STOX2: variants seen among roughly 807,000 people sequenced by gnomAD.
The protein encoded by STOX2 is storkhead box 2.
In STOX2, 28 loss-of-function variants were observed where a neutral mutation model predicts 60.9. That is an observed-to-expected ratio of 0.46 (90% confidence interval 0.34 to 0.63). STOX2 has a LOEUF of 0.63. STOX2 is among the 30% of genes least tolerant of loss of function. The pLI, the probability that STOX2 is intolerant of heterozygous loss-of-function variation, is 0.01. For synonymous variants in STOX2, 472 were observed against 463.9 expected (o/e 1.02, Z -0.22); for missense variants, 1,024 against 1,187.7 (o/e 0.86, Z 2.03).
chr4:183,893,901 G>T (rs1741284175), intron 1 of STOX2, among the ~76,000 whole-genome samples: 1 of 152,186 alleles, frequency 6.6e-6, no homozygotes, highest in South Asian at 2.1e-4. Context: ...AAACATCCTA[G>T]TTGGCTCTGG....
At chr4:183,828,590 G>T (rs1334923830) in intron 1 of STOX2, among the ~76,000 whole-genome samples, 1 of 152,110 alleles carries the variant, frequency 6.6e-6, no homozygotes, top group African/African-American at 2.4e-5. Context: ...AATGCAGTGG[G>T]GTAAATCCAT....
intron 1 of STOX2, among the ~76,000 whole-genome samples, chr4:183,931,656 T>C (rs6834333): frequency 0.63 from 96,263 of 151,990 alleles, 36,738 homozygotes; most frequent in Non-Finnish European, 0.86. Context: ...GCAAGGTGAA[T>C]GTGAGTCTGT....
rs12509182 is a variant in STOX2, at chr4:183,984,783, C to T, written c.167-16542C>T. On this transcript the variant is annotated intron_variant, in intron 1 of 3. Coordinates refer to ENST00000308497, the MANE Select transcript of STOX2 (RefSeq NM_020225.3). Reference sequence around the variant, plus strand: ...TCATCAACTGAGCAAATCACCTCTGCGGTCCTCTGTGTGATGTTCGTAAAG... The same window carrying T: ...TCATCAACTGAGCAAATCACCTCTGTGGTCCTCTGTGTGATGTTCGTAAAG... Among the ~76,000 whole-genome samples, 465 of 152,294 alleles carry T rather than the reference C, an allele frequency of 3.1e-3. 13 individuals are homozygous for T. The highest frequency in any genetic ancestry group is 0.027 in the Admixed American group (414 of 15,302).
At chr4:183,984,299 G>A (rs1732763446) in intron 1 of STOX2, among the ~76,000 whole-genome samples, 1 of 152,184 alleles carries the variant, frequency 6.6e-6, no homozygotes, top group Admixed American at 6.5e-5. Flanking sequence ...ATTGCTGACT[G>A]TTTCGACCCC....
At chr4:183,939,003 C>A (rs4862270) in intron 1 of STOX2, among the ~76,000 whole-genome samples, 1 of 152,106 alleles carries the variant, frequency 6.6e-6, no homozygotes. Flanking sequence ...AAAATCTATC[C>A]AAAGAGTCAG....
chr4:183,813,233 A>G (rs956897544), intron 1 of STOX2, among the ~76,000 whole-genome samples: 1 of 152,078 alleles, frequency 6.6e-6, no homozygotes, highest in African/African-American at 2.4e-5. Flanking sequence ...AAATACAAAA[A>G]TTAGCCGGGC....
At chr4:183,883,606 G>A (rs1360888583) in intron 1 of STOX2, among the ~76,000 whole-genome samples, 3 of 152,144 alleles carry the variant, frequency 2.0e-5, no homozygotes, top group Admixed American at 6.5e-5. Context: ...GTGAGCCACC[G>A]CGCCTGGCCG....
intron 1 of STOX2, among the ~76,000 whole-genome samples, chr4:183,857,231 C>A (rs1300002297): frequency 1.3e-5 from 2 of 151,588 alleles, no homozygotes; most frequent in East Asian, 3.9e-4. Flanking sequence ...CTGGTTATCC[C>A]ACAGGACTGG....
chr4:183,860,250 T>C (rs1281661412), intron 1 of STOX2, among the ~76,000 whole-genome samples: 1 of 151,844 alleles, frequency 6.6e-6, no homozygotes, highest in Non-Finnish European at 1.5e-5. Context: ...TCTCACTGGG[T>C]CCAGCCTCAT....
chr4:183,952,064 G>A (rs1442768009), intron 1 of STOX2, among the ~76,000 whole-genome samples: 8 of 152,254 alleles, frequency 5.3e-5, no homozygotes, highest in Admixed American at 1.3e-4. Flanking sequence ...AAACAACACC[G>A]GACTTCCACA....
At chr4:183,871,932 T>C (rs1740702387) in intron 1 of STOX2, among the ~76,000 whole-genome samples, 1 of 152,150 alleles carries the variant, frequency 6.6e-6, no homozygotes, top group African/African-American at 2.4e-5. Context: ...TAATTTCTTT[T>C]GTAAGGATGA....
chr4:183,892,438 C>T (rs1301558558), intron 1 of STOX2, among the ~76,000 whole-genome samples: 3 of 151,964 alleles, frequency 2.0e-5, no homozygotes, highest in Non-Finnish European at 4.4e-5. Context: ...GCCACCACGC[C>T]CGGCTAATTT....
chr4:183,806,318 G>T lies in STOX2; in HGVS notation c.364+8263G>T, dbSNP rs980268359. Among the ~76,000 whole-genome samples the T allele has an allele frequency of 6.6e-5, 10 of 152,196 alleles. No individual in the cohort carries two copies. The highest frequency in any genetic ancestry group is 2.4e-4 in the African/African-American group (10 of 41,442). The stretch of plus-strand genomic sequence containing the variant: ...CTCCCCAATAACGTACGTTTGGGAA[G>T]CACATGATGTCCCTTAGTCTAGCTC... On this transcript the variant is annotated intron_variant, in intron 1 of 2. Transcript: ENST00000513034. This position sits in a 1 kb window ranked among gnomAD's most constrained non-coding sequence, Gnocchi z 4.1.
rs1311049910 is a variant in STOX2, at chr4:183,836,388, C to T, written c.364+38333C>T. Among the ~76,000 whole-genome samples the T allele has an allele frequency of 2.0e-5, 3 of 152,294 alleles. No individual in the cohort carries two copies. Among genetic ancestry groups the T allele is most frequent in the Non-Finnish European group, 1.5e-5 (1 of 68,030 alleles). On this transcript the variant is annotated intron_variant, in intron 1 of 2. Transcript: ENST00000513034. This position sits in a 1 kb window ranked among gnomAD's most constrained non-coding sequence, Gnocchi z 4.1. ...AAAATAAACATAAGGAGTGTCACTA[C>T]GTTAGCAGCATAGGCTGTTTTATGC...
At chr4:183,808,330 GTCAC>G (rs1339634522) in intron 1 of STOX2, among the ~76,000 whole-genome samples, 13 of 152,188 alleles carry the variant, frequency 8.5e-5, no homozygotes, top group Non-Finnish European at 5.9e-5. Flanking sequence ...CTCCTGACCG[GTCAC>G]TTCCCCTCTG....
chr4:183,886,055 CA>C (rs879860182), intron 1 of STOX2, among the ~76,000 whole-genome samples: 1,851 of 143,382 alleles, frequency 0.013, 47 homozygotes, highest in African/African-American at 0.026. Context: ...TAGGCAGATG[CA>C]AGATCAGGAG....
rs11458747 is a variant in STOX2 at position 183,883,322 on chromosome 4, AT to A, written c.364+85282del. 9.3e-3 allele frequency among the ~76,000 whole-genome samples: 1,375 copies of A among 148,228 alleles called. 15 individuals are homozygous for A. The highest frequency in any genetic ancestry group is 0.03 in the African/African-American group (1,207 of 40,242). On this transcript the variant is annotated intron_variant, in intron 1 of 2. Transcript: ENST00000513034. The stretch of plus-strand genomic sequence containing the variant: ...AGTTGTTCTGTTTGACATGTTATAA[AT>A]TTTTTTTTTTTTTTGAGACAGAGTC...
intron 1 of STOX2, among the ~76,000 whole-genome samples, chr4:183,992,553 A>G (rs919968015): frequency 1.3e-5 from 2 of 152,222 alleles, no homozygotes; most frequent in Admixed American, 1.3e-4. Context: ...TTCTTATGTG[A>G]TGCACTTAAG....
At chr4:183,847,972 A>G (rs1740025655) in intron 1 of STOX2, among the ~76,000 whole-genome samples, 1 of 152,080 alleles carries the variant, frequency 6.6e-6, no homozygotes. Context: ...TAGAGAGGAG[A>G]GAGGTTGAAG....
Sources: allele counts gnomAD v4.1 joint callset (sites outside exome capture counted in the v4.1 genomes callset), GRCh38; gene constraint gnomAD v4.1.1; non-coding constraint Gnocchi (gnomAD v3.1); transcripts MANE v1.5; gene names NCBI Gene and HGNC (gene_info 2026-07-23, HGNC 2026-07-21).